MKRN1: variants seen among roughly 807,000 people sequenced by gnomAD.
MKRN1 encodes makorin ring finger protein 1, also known as E3 ubiquitin-protein ligase makorin-1.
MKRN1 carries 9 observed loss-of-function variants against 55.5 expected under a neutral mutation model. The observed-to-expected ratio is 0.16, with a 90% CI of 0.10 to 0.28. The LOEUF is 0.28. Among genes scored for constraint, MKRN1 ranks in the 10% least tolerant of loss-of-function variants. The probability of loss-of-function intolerance (pLI) is 1.00; values close to 1 mark genes in which losing one functional copy is unlikely to be tolerated. For missense variants in MKRN1, 488 were observed against 626.7 expected (o/e 0.78, Z 2.36); for synonymous variants, 253 against 235.9 (o/e 1.07, Z -0.66).
chr7:140,466,004 C>T (rs1439971583), intron 2 of MKRN1, among the ~76,000 whole-genome samples: 4 of 151,978 alleles, frequency 2.6e-5, no homozygotes, highest in Non-Finnish European at 4.4e-5. Context: ...TCGCTTGAAC[C>T]CAGGAGGCGG....
intron 2 of MKRN1, among the ~76,000 whole-genome samples, chr7:140,465,194 A>G (rs1480603961): frequency 6.6e-6 from 1 of 152,124 alleles, no homozygotes; most frequent in Non-Finnish European, 1.5e-5. Context: ...CCAAAACTCC[A>G]AACAAGAAGT....
At chr7:140,454,982 C>T in intron 7 of MKRN1, 113 bp downstream of exon 7, 3 of 1,425,058 alleles carry the variant, frequency 2.1e-6, no homozygotes, top group Admixed American at 4.2e-5. Context: ...TAATACTCTA[C>T]ACTTTCGCTC....
At position 140,479,140 on chromosome 7, in the gene MKRN1, T is replaced by G; in HGVS notation, c.185+20A>C. 1 of 1,313,766 alleles carries G rather than the reference T, an allele frequency of 7.6e-7. No individual in the cohort carries two copies. Among genetic ancestry groups the G allele is most frequent in the South Asian group, 2.2e-5 (1 of 45,160 alleles). 81.4% of individuals were successfully genotyped at this position (1,313,766 alleles called of 1,614,324 possible). A position where few individuals can be genotyped will look rare whatever the true frequency, so the allele number is the denominator to read the frequency against. Reference sequence around the variant, plus strand: ...GCGGCCCCCTCCCCGCGCCCGGCGCTCCGCCGCGCAACGTCCTACCTGCAG... The same window carrying G: ...GCGGCCCCCTCCCCGCGCCCGGCGCGCCGCCGCGCAACGTCCTACCTGCAG... On this transcript the variant is annotated intron_variant, in intron 1 of 7. Transcript: ENST00000255977.
chr7:140,476,121 T>C (rs1795109047), intron 1 of MKRN1, among the ~76,000 whole-genome samples: 1 of 151,838 alleles, frequency 6.6e-6, no homozygotes, highest in Non-Finnish European at 1.5e-5. Context: ...GATACAGGAG[T>C]GATGTGCTAT....
intron 1 of MKRN1, chr7:140,473,825 C>G (rs1795006851): frequency 6.7e-6 from 1 of 150,154 alleles, no homozygotes; most frequent in African/African-American, 2.5e-5. Context: ...AAAGCGGTAC[C>G]TACTAAAAAT....
At chr7:140,463,676 G>C (rs368871661) in intron 2 of MKRN1, among the ~76,000 whole-genome samples, 16 of 152,124 alleles carry the variant, frequency 1.1e-4, no homozygotes, top group Admixed American at 3.9e-4. Flanking sequence ...ACAAGGTCAG[G>C]AGATGGAGAC....
intron 2 of MKRN1, chr7:140,460,246 C>CAAAAAAAAAAAAAAAAAAA (rs58698651): frequency 3.9e-5 from 3 of 76,786 alleles, no homozygotes; most frequent in African/African-American, 1.2e-4. Flanking sequence ...GACTCCGTCT[C>CAAAAAAAAAAAAAAAAAAA]AAAAAAAAAA....
chr7:140,469,046 C>G (rs1489007524), intron 2 of MKRN1, among the ~76,000 whole-genome samples: 1 of 152,026 alleles, frequency 6.6e-6, no homozygotes, highest in Non-Finnish European at 1.5e-5. Context: ...TTGACTATGA[C>G]TATGGCACAG....
intron 2 of MKRN1, among the ~76,000 whole-genome samples, chr7:140,463,713 G>A (rs573282745): frequency 1.4e-4 from 22 of 151,826 alleles, no homozygotes; most frequent in East Asian, 3.9e-4. Flanking sequence ...GTGAAACCTC[G>A]TCTCTACTAA....
At chr7:140,456,106 G>T in intron 5 of MKRN1, 1 of 966,894 alleles carries the variant, frequency 1.0e-6, no homozygotes, top group Non-Finnish European at 1.4e-6. Flanking sequence ...TCAAGGGCTA[G>T]CCAGTTCTTT....
chr7:140,456,283 G>T (rs1451664758), intron 5 of MKRN1: 19 of 1,164,378 alleles, frequency 1.6e-5, no homozygotes, highest in Non-Finnish European at 1.9e-5. Context: ...AAAGGATGGT[G>T]GATTGTTGGC....
At chr7:140,456,319 TG>T (rs1255057460) in intron 5 of MKRN1, 1 of 1,208,268 alleles carries the variant, frequency 8.3e-7, no homozygotes, top group African/African-American at 1.6e-5. Flanking sequence ...AATAGGAAAG[TG>T]GAAATGTAAA....
chr7:140,470,998 G>C (rs1357152229), intron 2 of MKRN1, among the ~76,000 whole-genome samples: 1 of 152,106 alleles, frequency 6.6e-6, no homozygotes, highest in Non-Finnish European at 1.5e-5. Flanking sequence ...TCTCATAAGT[G>C]TCTCTGAGAT....
intron 1 of MKRN1, among the ~76,000 whole-genome samples, chr7:140,473,009 C>T (rs923673039): frequency 6.6e-6 from 1 of 151,146 alleles, no homozygotes; most frequent in Non-Finnish European, 1.5e-5. Flanking sequence ...CCCAACTACT[C>T]GGGAGGCTGA....
rs182271042 is a variant in MKRN1 at position 140,461,983 on chromosome 7, C to T, written c.315-2047G>A. Among the ~76,000 whole-genome samples, 19 of 152,216 alleles carry T rather than the reference C, an allele frequency of 1.2e-4. 1 individual carries two copies. The highest frequency in any genetic ancestry group is 1.2e-3 in the South Asian group (6 of 4,824). On this transcript the variant is annotated intron_variant, in intron 2 of 7. Coordinates refer to ENST00000255977, the MANE Select transcript of MKRN1 (RefSeq NM_013446.4). ...GGGCAACAAGAGCAAAACTCCATCT[C>T]GAAAGAAAAGAAAAGACAATTATCA...
intron 2 of MKRN1, among the ~76,000 whole-genome samples, chr7:140,468,690 ACT>A (rs1794837537): frequency 2.3e-5 from 2 of 88,796 alleles, no homozygotes; most frequent in Non-Finnish European, 2.1e-5. Flanking sequence ...ACAGACTGAG[ACT>A]CTGTCTCACA....
At chr7:140,463,801 C>G (rs995507456) in intron 2 of MKRN1, among the ~76,000 whole-genome samples, 1 of 151,956 alleles carries the variant, frequency 6.6e-6, no homozygotes, top group Non-Finnish European at 1.5e-5. Flanking sequence ...AGGAGAATGG[C>G]GTGAACCTGG....
chr7:140,453,960 G>A lies in MKRN1; in HGVS notation c.*557C>T, dbSNP rs768203250. ...TTCTGGTTACCCAGTAGTATTACTT[G>A]TGTGCAATTAAACAAGAGACCAAAA... On this transcript the variant is annotated 3_prime_UTR_variant, in exon 8 of 8. Transcript: ENST00000255977. 2.5e-5 allele frequency: 4 copies of A among 160,312 alleles called. No individual in the cohort carries two copies. The highest frequency in any genetic ancestry group is 2.8e-5 in the Non-Finnish European group (2 of 71,630). 9.9% of individuals were successfully genotyped at this position (160,312 alleles called of 1,614,324 possible).
rs1795218748 is a variant in MKRN1 at position 140,479,257 on chromosome 7, G to A, written c.88C>T (p.Pro30Ser). 8 of 1,405,822 alleles carry A rather than the reference G, an allele frequency of 5.7e-6. No individual in the cohort carries two copies. Among genetic ancestry groups the A allele is most frequent in the Admixed American group, 3.6e-5 (1 of 27,670 alleles). The allele number at this position is 1,405,822 out of a possible 1,614,324, so 87.1% of individuals were successfully genotyped here. ...AATAAAASPT[P>S]IPTVTAPSLG... is the part of the protein sequence containing the mutation. The stretch of plus-strand genomic sequence containing the variant: ...GACGGGGCGGTGACTGTGGGGATCG[G>A]GGTGGGGGAGGCTGCTGCCGCCGTC... The change falls in exon 1 of 8, where the codon CCG becomes TCG. Residue 30 changes from proline to serine, a missense_variant. This residue lies in a region of MKRN1 where 210 missense variants were observed against 220.0 expected (regional missense o/e 0.95). Transcript: ENST00000255977.
Sources: gnomAD v4.1 joint callset for allele counts (sites outside exome capture counted in the v4.1 genomes callset) on GRCh38, gnomAD v4.1.1 for gene constraint, gnomAD v4.1.1 regional missense constraint, MANE v1.5 for transcripts, NCBI Gene and HGNC (gene_info 2026-07-23, HGNC 2026-07-21) for gene names.